CHL1: variants seen among roughly 807,000 people sequenced by gnomAD.
CHL1 encodes cell adhesion molecule L1 like, also known as neural cell adhesion molecule L1-like protein.
CHL1 carries 96 observed loss-of-function variants against 141.9 expected under a neutral mutation model. The ratio of observed to expected loss-of-function variants is 0.68; its 90% CI spans 0.57 to 0.80. The LOEUF is 0.80. Ranked by LOEUF, CHL1 falls within the 30% of genes least tolerant of loss-of-function variation. CHL1 has a pLI of 0.00. For synonymous variants in CHL1, 613 were observed against 502.2 expected, an observed-to-expected ratio of 1.22 and a Z score of -2.95; for missense variants, 1,820 against 1,457.2, an observed-to-expected ratio of 1.25 and a Z score of -4.05.
At chr3:329,620 G>T (rs942451655) in intron 5 of CHL1, among the ~76,000 whole-genome samples, 30 of 151,364 alleles carry the variant, frequency 2.0e-4, no homozygotes, top group African/African-American at 7.0e-4. Context: ...AAAAGAGATA[G>T]AAATAAATTC....
chr3:323,600 C>T (rs1700770139), intron 3 of CHL1, among the ~76,000 whole-genome samples: 1 of 152,216 alleles, frequency 6.6e-6, no homozygotes, highest in African/African-American at 2.4e-5. Context: ...TCTAAAATTT[C>T]CCATCATTTT....
chr3:394,906 C>A, intron 24 of CHL1, 34 bp downstream of exon 24: 2 of 1,509,012 alleles, frequency 1.3e-6, no homozygotes, highest in Non-Finnish European at 1.8e-6. Flanking sequence ...TTAATAGAGG[C>A]TTTAAAAAGA....
chr3:208,305 G>T (rs1034356893), intron 1 of CHL1, among the ~76,000 whole-genome samples: 1 of 151,878 alleles, frequency 6.6e-6, no homozygotes, highest in South Asian at 2.1e-4. Flanking sequence ...ACCCATTACT[G>T]TATTTAACAG....
chr3:288,504 A>G (rs185564424), intron 2 of CHL1, among the ~76,000 whole-genome samples: 9 of 152,282 alleles, frequency 5.9e-5, no homozygotes, highest in African/African-American at 1.9e-4. Flanking sequence ...TTACAGATCT[A>G]CTGTTCCTCT....
chr3:369,542 C>T (rs1167189945), intron 15 of CHL1, among the ~76,000 whole-genome samples: 1 of 152,200 alleles, frequency 6.6e-6, no homozygotes, highest in Non-Finnish European at 1.5e-5. Flanking sequence ...ATGTCATCTG[C>T]AAACAGACAA....
intron 1 of CHL1, among the ~76,000 whole-genome samples, chr3:241,614 A>G (rs1462343146): frequency 6.6e-6 from 1 of 151,076 alleles, no homozygotes; most frequent in Non-Finnish European, 1.5e-5. Flanking sequence ...TCAAGTCAGT[A>G]GAGTTTAATT....
intron 7 of CHL1, 51 bp from the exon 8 acceptor site, chr3:342,933 T>C (rs1167097638): frequency 2.1e-6 from 3 of 1,438,464 alleles, no homozygotes; most frequent in Non-Finnish European, 2.9e-6. Flanking sequence ...TTTATTGATA[T>C]CAGCATCCAC....
intron 11 of CHL1, among the ~76,000 whole-genome samples, chr3:359,288 C>CT (rs1322683060): frequency 6.6e-6 from 1 of 151,604 alleles, no homozygotes; most frequent in African/African-American, 2.4e-5. Flanking sequence ...GTTAGGTATT[C>CT]TTTTTTTTCT....
chr3:306,915 A>C (rs745458512), intron 2 of CHL1, among the ~76,000 whole-genome samples: 1 of 152,206 alleles, frequency 6.6e-6, no homozygotes, highest in Non-Finnish European at 1.5e-5. Flanking sequence ...TTTGATGAGC[A>C]AAGAAAAATA....
At chr3:225,151 A>T (rs145015960) in intron 1 of CHL1, among the ~76,000 whole-genome samples, 219 of 152,294 alleles carry the variant, frequency 1.4e-3, no homozygotes, top group African/African-American at 5.1e-3. Context: ...ACTCAAAAAG[A>T]TTGTGTTAGG....
chr3:322,645 AATATATAT>A (rs4002786), intron 3 of CHL1, among the ~76,000 whole-genome samples: 17,478 of 130,120 alleles, frequency 0.13, 1,481 homozygotes, highest in East Asian at 0.33. Flanking sequence ...ATATATATAA[AATATATAT>A]ATATATATAT....
intron 2 of CHL1, among the ~76,000 whole-genome samples, chr3:302,519 T>A (rs1698848025): frequency 6.6e-6 from 1 of 152,254 alleles, no homozygotes. Context: ...TTTTTTCATA[T>A]GTCTGTTGGC....
intron 1 of CHL1, among the ~76,000 whole-genome samples, chr3:235,137 A>G (rs936183049): frequency 2.6e-5 from 4 of 151,926 alleles, no homozygotes; most frequent in African/African-American, 4.8e-5. Flanking sequence ...ATATCTCCCA[A>G]TGCTATCCCT....
intron 1 of CHL1, among the ~76,000 whole-genome samples, chr3:232,340 G>T (rs767417561): frequency 7.9e-5 from 12 of 152,018 alleles, no homozygotes; most frequent in Non-Finnish European, 1.3e-4. Context: ...ACAATATTTT[G>T]GGAATTGTCA....
At chr3:200,724 C>A (rs1447535889) in intron 1 of CHL1, among the ~76,000 whole-genome samples, 1 of 152,178 alleles carries the variant, frequency 6.6e-6, no homozygotes, top group Non-Finnish European at 1.5e-5. Flanking sequence ...GGCATTGAGC[C>A]TTTTCTCTGC....
intron 2 of CHL1, among the ~76,000 whole-genome samples, chr3:304,694 C>T (rs1029594600): frequency 6.6e-6 from 1 of 152,080 alleles, no homozygotes; most frequent in Non-Finnish European, 1.5e-5. Flanking sequence ...TAAACCAGCT[C>T]CTGGTTTCAT....
intron 2 of CHL1, among the ~76,000 whole-genome samples, chr3:301,670 T>C (rs1698749922): frequency 6.6e-6 from 1 of 152,218 alleles, no homozygotes; most frequent in Non-Finnish European, 1.5e-5. Flanking sequence ...GATGCGGCAT[T>C]GCCATATAGT....
intron 15 of CHL1, chr3:376,428 A>T (rs373770169): frequency 1.9e-6 from 1 of 515,962 alleles, no homozygotes; most frequent in Non-Finnish European, 3.9e-6. Flanking sequence ...TAAGTTCTTT[A>T]GGTATACCAT....
At chr3:237,091 G>A (rs1692064275) in intron 1 of CHL1, among the ~76,000 whole-genome samples, 1 of 152,170 alleles carries the variant, frequency 6.6e-6, no homozygotes, top group African/African-American at 2.4e-5. Context: ...TTCTAATATG[G>A]TTTGGCTCTG....
Sources: gnomAD v4.1 joint callset for allele counts (sites outside exome capture counted in the v4.1 genomes callset) on GRCh38, gnomAD v4.1.1 for gene constraint, MANE v1.5 for transcripts, NCBI Gene and HGNC (gene_info 2026-07-23, HGNC 2026-07-21) for gene names.